The following PCDHA5 variants were observed in gnomAD, a reference collection of about 807,000 sequenced individuals.
PCDHA5 encodes protocadherin alpha-5.
Under a neutral mutation model 61.6 loss-of-function variants are expected in PCDHA5, and 43 were observed. The ratio of observed to expected loss-of-function variants is 0.70; its 90% confidence interval spans 0.55 to 0.90. The LOEUF (loss-of-function observed/expected upper bound fraction) is 0.90, where lower values mean the gene tolerates loss of function less well. Among genes scored for constraint, PCDHA5 ranks in the 40% least tolerant of loss-of-function variants. The pLI is 0.00. For synonymous variants in PCDHA5, 627 were observed against 543.9 expected (o/e 1.15, Z -2.13); for missense variants, 1,298 against 1,222.7 (o/e 1.06, Z -0.92).
Position 140,823,120 on chromosome 5 carries a change from G to A in PCDHA5, c.1345G>A (p.Asp449Asn), listed in dbSNP as rs2150122509. The A allele has an allele frequency of 6.2e-7, 1 of 1,614,058 alleles. No individual in the cohort carries two copies. The highest frequency in any genetic ancestry group is 8.5e-7 in the Non-Finnish European group (1 of 1,179,984). Residue 449 changes from aspartate (D) to asparagine (N), a missense_variant, in exon 1 of 4, where the codon GAC (aspartate) becomes AAC (asparagine). Coordinates refer to ENST00000529859, the MANE Select transcript of PCDHA5 (RefSeq NM_018908.3). ...SVSVEVADVN[D>N]NAPAFAQPQY... is the part of the protein sequence containing the mutation. ...GTCTGTGGAAGTGGCCGACGTGAAC[G>A]ACAACGCTCCGGCGTTCGCGCAGCC...
intron 1 of PCDHA5, chr5:140,828,834 A>G: frequency 1.9e-6 from 3 of 1,614,222 alleles, no homozygotes; most frequent in Non-Finnish European, 2.5e-6. Flanking sequence ...TCTGAATACG[A>G]AGTAAGAATA....
Position 140,821,983 on chromosome 5 carries a change from C to G in PCDHA5, c.208C>G (p.Arg70Gly). 6.2e-7 allele frequency: 1 copy of G among 1,614,148 alleles called. No individual in the cohort carries two copies. The change falls in exon 1 of 4, where the codon CGC becomes GGC. Residue 70 changes from arginine to glycine, a missense_variant. Physicochemically the swap from Arg to Gly is moderately radical, Grantham distance 125 (BLOSUM62 -2). Coordinates refer to ENST00000529859, the MANE Select transcript of PCDHA5 (RefSeq NM_018908.3). ...CCTGTTCCGGGTGGCGTCCAAGGGC[C>G]GCGGGGACCTTCTGGAGGTAAATCT... ...PRLFRVASKG[R>G]GDLLEVNLQN...
chr5:140,892,813 T>C (rs1335475161), intron 1 of PCDHA5, among the ~76,000 whole-genome samples: 1 of 152,228 alleles, frequency 6.6e-6, no homozygotes, highest in Non-Finnish European at 1.5e-5. Context: ...ACCATATTTA[T>C]CCTACAGTGC....
rs782621350 is a variant in PCDHA5 at position 140,876,591 on chromosome 5, C to T, written c.2352+52464C>T. ...TGGGTACCGTCATTGCCCTGATTAG[C>T]GTGTCGGATCGTGACTCTGGAGCCA... On this transcript the variant is annotated intron_variant, in intron 1 of 3. Transcript: ENST00000529859. 9.5e-5 allele frequency: 153 copies of T among 1,614,058 alleles called. 1 individual carries two copies. The highest frequency in any genetic ancestry group is 8.2e-4 in the Middle Eastern group (5 of 6,082).
chr5:140,946,527 G>A (rs1414920308), intron 1 of PCDHA5, among the ~76,000 whole-genome samples: 1 of 150,718 alleles, frequency 6.6e-6, no homozygotes, highest in Non-Finnish European at 1.5e-5. Flanking sequence ...GCACTCCCAT[G>A]TTCATTGCAG....
At chr5:140,857,683 C>A in intron 1 of PCDHA5, 1 of 1,597,084 alleles carries the variant, frequency 6.3e-7, no homozygotes, top group East Asian at 2.2e-5. Context: ...CGCCTCTGGG[C>A]AGCAACTTGA....
At chr5:140,952,345 A>G (rs1199209045) in intron 1 of PCDHA5, among the ~76,000 whole-genome samples, 2 of 151,900 alleles carry the variant, frequency 1.3e-5, no homozygotes, top group Non-Finnish European at 2.9e-5. Context: ...TCTCAAAAAA[A>G]AAAAAAAAAG....
rs781859537 is a variant in PCDHA5, at chr5:140,858,340, G to A, written c.2352+34213G>A. Reference sequence around the variant, plus strand: ...TGTGTTCTGGGGAGGGCCTGCCCAAGGCGGACCTCATGGCCTTCAGCCCCA... The same window carrying A: ...TGTGTTCTGGGGAGGGCCTGCCCAAAGCGGACCTCATGGCCTTCAGCCCCA... On this transcript the variant is annotated intron_variant, in intron 1 of 3. Coordinates refer to ENST00000529859, the MANE Select transcript of PCDHA5 (RefSeq NM_018908.3). The A allele has an allele frequency of 1.2e-5, 19 of 1,595,540 alleles. No individual in the cohort carries two copies. In the South Asian group the frequency reaches 1.3e-4, roughly 11 times the overall value.
chr5:140,982,308 A>T, intron 2 of PCDHA5, 167 bp from the exon 3 acceptor site: 1 of 1,269,286 alleles, frequency 7.9e-7, no homozygotes. Context: ...ATGCTTCTGC[A>T]GTTTATGCAG....
chr5:140,993,134 A>G (rs2097542279), intron 3 of PCDHA5, among the ~76,000 whole-genome samples: 1 of 152,238 alleles, frequency 6.6e-6, no homozygotes, highest in African/African-American at 2.4e-5. Flanking sequence ...CTTCTGTTGC[A>G]ACAAGTATAA....
At chr5:140,920,749 C>T (rs145619239) in intron 1 of PCDHA5, among the ~76,000 whole-genome samples, 2 of 151,424 alleles carry the variant, frequency 1.3e-5, no homozygotes, top group Non-Finnish European at 2.9e-5. Context: ...GAGGCTGAGG[C>T]AGGAGAATTG....
In PCDHA5 at chr5:140,883,730, G is replaced by A. The variant is rs140457638; in HGVS notation, c.2352+59603G>A. On this transcript the variant is annotated intron_variant, in intron 1 of 3. Transcript: ENST00000529859. ...TCAGGACGCGGACGCACAGGAGAAC[G>A]CGCTGGTCTCCTACTCGCTGGTGGA... The A allele has an allele frequency of 3.7e-6, 6 of 1,613,412 alleles. No individual in the cohort carries two copies. In the African/African-American group the frequency reaches 6.7e-5, roughly 18 times the overall value.
chr5:140,869,307 C>G, intron 1 of PCDHA5: 2 of 1,613,664 alleles, frequency 1.2e-6, no homozygotes, highest in Non-Finnish European at 1.7e-6. Flanking sequence ...GGGTGGCGTC[C>G]AAAACACATG....
intron 3 of PCDHA5, among the ~76,000 whole-genome samples, chr5:140,992,803 G>A (rs2097529196): frequency 6.6e-6 from 1 of 152,146 alleles, no homozygotes; most frequent in African/African-American, 2.4e-5. Context: ...GGATCCATAT[G>A]TATCTAAGGA....
At chr5:140,892,666 A>G (rs2063614919) in intron 1 of PCDHA5, among the ~76,000 whole-genome samples, 1 of 152,170 alleles carries the variant, frequency 6.6e-6, no homozygotes, top group Admixed American at 6.6e-5. Flanking sequence ...TGACATTTTG[A>G]TACATATATA....
At position 140,823,131 on chromosome 5, in the gene PCDHA5, G is replaced by T. The variant is rs142929389; in HGVS notation, c.1356G>T (p.Pro452=). 1.9e-6 allele frequency: 3 copies of T among 1,614,008 alleles called. No individual in the cohort carries two copies. The highest frequency in any genetic ancestry group is 2.2e-5 in the South Asian group (2 of 91,078). Residue 452 remains proline (P), a synonymous_variant, in exon 1 of 4, where the codon CCG becomes CCT. Transcript: ENST00000529859. ...VEVADVNDNA[P]AFAQPQYTVF... is the part of the protein sequence containing the mutation. ...TGGCCGACGTGAACGACAACGCTCC[G>T]GCGTTCGCGCAGCCCCAGTATACCG... is the stretch of plus-strand genomic sequence containing the variant.
At chr5:140,845,150 G>A (rs1193499376) in intron 1 of PCDHA5, among the ~76,000 whole-genome samples, 2 of 149,470 alleles carry the variant, frequency 1.3e-5, no homozygotes, top group African/African-American at 4.9e-5. Context: ...AACACATTGT[G>A]TAAAAGCGAA....
At chr5:140,922,547 G>A (rs1269163353) in intron 1 of PCDHA5, among the ~76,000 whole-genome samples, 2 of 152,192 alleles carry the variant, frequency 1.3e-5, no homozygotes, top group Non-Finnish European at 2.9e-5. Context: ...GGCAAGGTAA[G>A]GAGAAAAGTC....
At chr5:140,877,663 C>G in intron 1 of PCDHA5, 4 of 1,613,552 alleles carry the variant, frequency 2.5e-6, no homozygotes, top group Non-Finnish European at 3.4e-6. Context: ...CACCGTGAGC[C>G]GGTGCGCGCC....
Sources: allele counts gnomAD v4.1 joint callset (sites outside exome capture counted in the v4.1 genomes callset), GRCh38; gene constraint gnomAD v4.1.1; transcripts MANE v1.5; gene names NCBI Gene and HGNC (gene_info 2026-07-23, HGNC 2026-07-21).